Variants in CTNNA2 observed in about 807,000 individuals in gnomAD.
CTNNA2 encodes the protein catenin alpha-2.
A neutral mutation model predicts 101.0 loss-of-function variants in CTNNA2; 42 were observed. That is an observed-to-expected ratio of 0.42 (90% CI 0.32 to 0.54). The LOEUF (loss-of-function observed/expected upper bound fraction) is 0.54. Among genes scored for constraint, CTNNA2 ranks in the 20% least tolerant of loss-of-function variants. CTNNA2 has a pLI of 0.14. For missense variants in CTNNA2, 871 were observed against 1,223.1 expected, an observed-to-expected ratio of 0.71 and a Z score of 4.29; for synonymous variants, 450 against 456.4, an observed-to-expected ratio of 0.99 and a Z score of 0.18.
chr2:79,582,562 C>T lies in CTNNA2; in HGVS notation c.-5-68990C>T, dbSNP rs1049561229. ...ACCTTGATGCCATTTTCCCACCTTACGAAATGAAAAGTAATTTCTCCTTGG... is the reference window on the plus strand; with the variant it reads ...ACCTTGATGCCATTTTCCCACCTTATGAAATGAAAAGTAATTTCTCCTTGG... On this transcript the variant is annotated intron_variant, in intron 1 of 18. Transcript: ENST00000402739. Among the ~76,000 whole-genome samples, 9 of 152,222 alleles carry T rather than the reference C, an allele frequency of 5.9e-5. No homozygotes were observed. In the South Asian group the frequency reaches 1.2e-3, roughly 21 times the overall value.
chr2:79,689,254 C>T lies in CTNNA2; in HGVS notation c.102+37596C>T, dbSNP rs146681557. On this transcript the variant is annotated intron_variant, in intron 2 of 18. Transcript: ENST00000402739. ...TGTCTGGATTTCTGTCATTCTCCAT[C>T]GACAGAGTTGTCACAGATCCTGAGC... Among the ~76,000 whole-genome samples the T allele has an allele frequency of 4.4e-3, 665 of 151,932 alleles. 7 individuals carry two copies. The highest frequency in any genetic ancestry group is 0.015 in the African/African-American group (638 of 41,466).
intron 2 of CTNNA2, among the ~76,000 whole-genome samples, chr2:79,289,276 T>C (rs886336205): frequency 1.3e-5 from 2 of 152,194 alleles, no homozygotes; most frequent in Non-Finnish European, 1.5e-5. Context: ...TAGTTTTTTT[T>C]CTTTGGGGGT....
At chr2:79,595,574 A>G (rs1285239670) in intron 1 of CTNNA2, among the ~76,000 whole-genome samples, 1 of 152,172 alleles carries the variant, frequency 6.6e-6, no homozygotes, top group African/African-American at 2.4e-5. Context: ...TAGTTATCTT[A>G]GAGTTCTTCC....
At chr2:80,022,259 G>A (rs1033055760) in intron 7 of CTNNA2, among the ~76,000 whole-genome samples, 7 of 152,192 alleles carry the variant, frequency 4.6e-5, no homozygotes, top group African/African-American at 1.7e-4. Context: ...TGACATGGAG[G>A]TGGGCCCTGG....
At chr2:79,336,171 C>T (rs139229688) in intron 3 of CTNNA2, among the ~76,000 whole-genome samples, 253 of 152,306 alleles carry the variant, frequency 1.7e-3, no homozygotes, top group Non-Finnish European at 2.5e-3. Flanking sequence ...TCATCTCACA[C>T]ACCAAGTCAG....
intron 12 of CTNNA2, among the ~76,000 whole-genome samples, chr2:80,560,037 C>G (rs1693426806): frequency 8.1e-6 from 1 of 122,760 alleles, no homozygotes; most frequent in Non-Finnish European, 1.6e-5. Flanking sequence ...ATTTTTTCTT[C>G]AGAGGAAACA....
intron 18 of CTNNA2, among the ~76,000 whole-genome samples, chr2:80,643,831 C>G (rs1573553123): frequency 6.6e-6 from 1 of 152,140 alleles, no homozygotes; most frequent in South Asian, 2.1e-4. Flanking sequence ...CCAGGAAGAA[C>G]AAGGAAGGGC....
intron 8 of CTNNA2, among the ~76,000 whole-genome samples, chr2:80,412,272 A>G (rs1342403718): frequency 6.6e-6 from 1 of 152,230 alleles, no homozygotes; most frequent in Non-Finnish European, 1.5e-5. Context: ...AGAAGGAACT[A>G]AGTACCTGTT....
intron 7 of CTNNA2, among the ~76,000 whole-genome samples, chr2:79,992,071 G>T (rs1558707459): frequency 6.6e-6 from 1 of 152,150 alleles, no homozygotes; most frequent in Non-Finnish European, 1.5e-5. Flanking sequence ...AATATCTGCA[G>T]CTGCTAGAAA....
chr2:80,286,385 G>A (rs1027652847), intron 7 of CTNNA2, among the ~76,000 whole-genome samples: 46 of 152,124 alleles, frequency 3.0e-4, no homozygotes, highest in African/African-American at 1.1e-3. Context: ...GATGAGTGTA[G>A]GGGAAGGATA....
chr2:79,732,900 CA>C (rs1558880993), intron 2 of CTNNA2, among the ~76,000 whole-genome samples: 1 of 151,874 alleles, frequency 6.6e-6, no homozygotes, highest in Admixed American at 6.6e-5. Context: ...AAACAAAAAA[CA>C]AAAAACAAAA....
chr2:80,444,207 T>C (rs1682865597), intron 9 of CTNNA2, among the ~76,000 whole-genome samples: 1 of 152,166 alleles, frequency 6.6e-6, no homozygotes, highest in African/African-American at 2.4e-5. Context: ...AAAACTGAAT[T>C]TTAGATCAAG....
At chr2:80,062,732 G>A (rs540568338) in intron 7 of CTNNA2, among the ~76,000 whole-genome samples, 1 of 131,122 alleles carries the variant, frequency 7.6e-6, no homozygotes, top group Non-Finnish European at 1.6e-5. Context: ...TTGAGATGGA[G>A]TCTCACTCTG....
chr2:80,086,702 G>T (rs746354267), intron 7 of CTNNA2, among the ~76,000 whole-genome samples: 4 of 152,060 alleles, frequency 2.6e-5, no homozygotes, highest in Non-Finnish European at 5.9e-5. Context: ...GCAAAGGCTT[G>T]AAATGTGTAG....
chr2:80,291,399 A>G (rs1675225041), intron 7 of CTNNA2, among the ~76,000 whole-genome samples: 2 of 152,242 alleles, frequency 1.3e-5, no homozygotes, highest in African/African-American at 2.4e-5. Context: ...CTCAAGGGCC[A>G]GGAGCAAATT....
chr2:80,096,421 C>T (rs193146749), intron 7 of CTNNA2, among the ~76,000 whole-genome samples: 2 of 152,156 alleles, frequency 1.3e-5, no homozygotes, highest in African/African-American at 4.8e-5. Context: ...GCTTTACTTC[C>T]AACTATGTGG....
intron 9 of CTNNA2, among the ~76,000 whole-genome samples, chr2:80,431,174 G>A (rs1681468084): frequency 6.6e-6 from 1 of 152,130 alleles, no homozygotes; most frequent in African/African-American, 2.4e-5. Flanking sequence ...TTGCTTTTTA[G>A]AACCAAAAAT....
intron 7 of CTNNA2, among the ~76,000 whole-genome samples, chr2:80,267,665 G>C (rs1673113005): frequency 6.6e-6 from 1 of 152,220 alleles, no homozygotes; most frequent in South Asian, 2.1e-4. Flanking sequence ...TCCTGGGCTG[G>C]TCTGGGGACC....
chr2:80,153,669 G>C (rs1383776538), intron 7 of CTNNA2, among the ~76,000 whole-genome samples: 1 of 152,158 alleles, frequency 6.6e-6, no homozygotes, highest in Non-Finnish European at 1.5e-5. Context: ...AGGGTAGAAA[G>C]AGCAGATGAT....
Sources: gnomAD v4.1 joint callset for allele counts (sites outside exome capture counted in the v4.1 genomes callset) on GRCh38, gnomAD v4.1.1 for gene constraint, MANE v1.5 for transcripts, NCBI Gene and HGNC (gene_info 2026-07-23, HGNC 2026-07-21) for gene names.